NFATC3: variants seen among roughly 807,000 people sequenced by gnomAD.
The protein encoded by NFATC3 is nuclear factor of activated T-cells, cytoplasmic 3.
A neutral mutation model predicts 98.6 loss-of-function variants in NFATC3; 46 were observed. The observed-to-expected ratio is 0.47, with a 90% confidence interval of 0.37 to 0.60. The LOEUF (loss-of-function observed/expected upper bound fraction) is 0.60, where lower values mean the gene tolerates loss of function less well. Among genes scored for constraint, NFATC3 ranks in the 20% least tolerant of loss-of-function variants. NFATC3 has a pLI of 0.00. For missense variants in NFATC3, 1,256 were observed against 1,295.5 expected, an observed-to-expected ratio of 0.97 and a Z score of 0.47; for synonymous variants, 512 against 472.2, an observed-to-expected ratio of 1.08 and a Z score of -1.09.
chr16:68,184,721 G>A (rs955039050), intron 8 of NFATC3, among the ~76,000 whole-genome samples: 10 of 151,866 alleles, frequency 6.6e-5, no homozygotes, highest in Non-Finnish European at 8.8e-5. Flanking sequence ...GGAGAATGGC[G>A]TGAACCCAGG....
chr16:68,143,038 C>T (rs373837840), intron 3 of NFATC3, among the ~76,000 whole-genome samples: 35 of 151,620 alleles, frequency 2.3e-4, no homozygotes, highest in African/African-American at 6.3e-4. Flanking sequence ...TGGAGACCAG[C>T]GTGAGCAATA....
At chr16:68,203,823 G>A (rs762706804) in intron 9 of NFATC3, among the ~76,000 whole-genome samples, 8 of 152,126 alleles carry the variant, frequency 5.3e-5, no homozygotes, top group Non-Finnish European at 1.2e-4. Flanking sequence ...GACCGAGATG[G>A]GAGGATCATT....
chr16:68,144,053 A>T (rs533535246), intron 3 of NFATC3, among the ~76,000 whole-genome samples: 1 of 152,324 alleles, frequency 6.6e-6, no homozygotes, highest in East Asian at 1.9e-4. Context: ...TATTAAAAGG[A>T]TGAAAAGACA....
intron 1 of NFATC3, among the ~76,000 whole-genome samples, chr16:68,112,162 A>G (rs774247752): frequency 4.0e-5 from 6 of 150,008 alleles, no homozygotes; most frequent in Admixed American, 1.3e-4. Context: ...ATGGTGGCCT[A>G]TCTTGCTAGG....
chr16:68,137,093 A>T (rs562152622), intron 3 of NFATC3, among the ~76,000 whole-genome samples: 372 of 152,014 alleles, frequency 2.4e-3, no homozygotes, highest in African/African-American at 8.3e-3. Context: ...TTTATAAAAA[A>T]TTTTTTTCTT....
chr16:68,210,584 A>G (rs1358476471), intron 9 of NFATC3, among the ~76,000 whole-genome samples: 4 of 152,272 alleles, frequency 2.6e-5, no homozygotes, highest in Middle Eastern at 3.4e-3. Flanking sequence ...CATGCCAGTC[A>G]GGAGTATGTT....
intron 2 of NFATC3, 112 bp from the exon 3 acceptor site, chr16:68,126,336 C>A: frequency 1.1e-6 from 1 of 948,492 alleles, no homozygotes; most frequent in Non-Finnish European, 1.6e-6. Context: ...TTTTGTAATA[C>A]ATTGTTTCAA....
intron 9 of NFATC3, among the ~76,000 whole-genome samples, chr16:68,194,746 G>T (rs893627144): frequency 2.0e-5 from 3 of 152,108 alleles, no homozygotes; most frequent in Non-Finnish European, 2.9e-5. Context: ...GCTAGAACCT[G>T]CTCTTTCTAA....
chr16:68,188,649 A>G (rs1397804788), intron 8 of NFATC3, among the ~76,000 whole-genome samples: 3 of 152,242 alleles, frequency 2.0e-5, no homozygotes, highest in African/African-American at 7.2e-5. Context: ...TCCAACCAAT[A>G]TCAATATCCA....
intron 2 of NFATC3, among the ~76,000 whole-genome samples, chr16:68,124,041 TC>T (rs1170675030): frequency 1.3e-5 from 2 of 152,028 alleles, no homozygotes; most frequent in Non-Finnish European, 2.9e-5. Flanking sequence ...ATCAATCTAG[TC>T]TATAACTGAT....
In NFATC3 at chr16:68,167,810, C is replaced by CTT. The variant is rs35302776; in HGVS notation, c.1774+833_1774+834dup. On this transcript the variant is annotated intron_variant, in intron 5 of 9. Transcript: ENST00000346183. ...TTTATATCTGTTAACCGTATGTGTTCTTTTTTTTTTTTTTTTTTTTTTTTT... is the reference window on the plus strand; with the variant it reads ...TTTATATCTGTTAACCGTATGTGTTCTTTTTTTTTTTTTTTTTTTTTTTTTTT... 1.0e-3 allele frequency among the ~76,000 whole-genome samples: 24 copies of CTT among 23,918 alleles called. 9 individuals are homozygous for CTT. Among genetic ancestry groups the CTT allele is most frequent in the Non-Finnish European group, 1.8e-3 (17 of 9,306 alleles). 15.7% of individuals were successfully genotyped at this position (23,918 alleles called of 152,430 possible).
chr16:68,170,189 G>A (rs1454434044), intron 5 of NFATC3, among the ~76,000 whole-genome samples: 4 of 151,692 alleles, frequency 2.6e-5, no homozygotes, highest in African/African-American at 4.8e-5. Flanking sequence ...TCAAGAGATC[G>A]ACACCATCCT....
intron 3 of NFATC3, among the ~76,000 whole-genome samples, chr16:68,153,545 C>T (rs1182916945): frequency 1.3e-5 from 2 of 152,192 alleles, no homozygotes; most frequent in Non-Finnish European, 2.9e-5. Context: ...ACTGTTACCT[C>T]GACTACAGTG....
chr16:68,140,702 AAGG>A (rs1172236947), intron 3 of NFATC3, among the ~76,000 whole-genome samples: 2 of 152,214 alleles, frequency 1.3e-5, no homozygotes, highest in South Asian at 2.1e-4. Context: ...AAATAAAAAA[AAGG>A]AGTATTTTAG....
chr16:68,188,722 G>A (rs2040317743), intron 8 of NFATC3, among the ~76,000 whole-genome samples: 2 of 152,026 alleles, frequency 1.3e-5, no homozygotes, highest in Admixed American at 1.3e-4. Context: ...TTTTATTTTT[G>A]TTTGAGACAG....
At position 68,120,351 on chromosome 16, in the gene NFATC3, G is replaced by A. The variant is rs566476068; in HGVS notation, c.104-1636G>A. On this transcript the variant is annotated intron_variant, in intron 1 of 9. Transcript: ENST00000346183. ...CTGGCACTTTGGGAGGCCAAGGAGGGTAGATTGCTTGGGGTCAGGAGTTTG... is the reference window on the plus strand; with the variant it reads ...CTGGCACTTTGGGAGGCCAAGGAGGATAGATTGCTTGGGGTCAGGAGTTTG... Among the ~76,000 whole-genome samples, 105 of 151,756 alleles carry A rather than the reference G, an allele frequency of 6.9e-4. 1 individual carries two copies. The highest frequency in any genetic ancestry group is 1.5e-3 in the Admixed American group (23 of 15,212).
intron 9 of NFATC3, among the ~76,000 whole-genome samples, chr16:68,199,574 T>G (rs1203520836): frequency 2.1e-5 from 3 of 145,672 alleles, no homozygotes; most frequent in African/African-American, 7.6e-5. Context: ...CAGTATTAGA[T>G]GAAGTGTTTT....
chr16:68,164,567 A>G (rs1398336390), intron 4 of NFATC3, among the ~76,000 whole-genome samples: 1 of 152,182 alleles, frequency 6.6e-6, no homozygotes, highest in Non-Finnish European at 1.5e-5. Flanking sequence ...CATTGGATTA[A>G]TATTGATGTA....
chr16:68,111,952 A>G (rs1478465837), intron 1 of NFATC3, among the ~76,000 whole-genome samples: 2 of 152,044 alleles, frequency 1.3e-5, no homozygotes, highest in South Asian at 2.1e-4. Flanking sequence ...TTGGCATCCA[A>G]TCTCTTCTGG....
Sources: gnomAD v4.1 joint callset for allele counts (sites outside exome capture counted in the v4.1 genomes callset) on GRCh38, gnomAD v4.1.1 for gene constraint, MANE v1.5 for transcripts, NCBI Gene and HGNC (gene_info 2026-07-23, HGNC 2026-07-21) for gene names.